POLR1F: variants seen among roughly 807,000 people sequenced by gnomAD.
The protein encoded by POLR1F is DNA-directed RNA polymerase I subunit RPA43.
Under a neutral mutation model 21.8 loss-of-function variants are expected in POLR1F, and 23 were observed. That is an observed-to-expected ratio of 1.05 (90% CI 0.76 to 1.49). The LOEUF (loss-of-function observed/expected upper bound fraction) is 1.49, where lower values mean the gene tolerates loss of function less well. Ranked by LOEUF, POLR1F falls within the 40% of genes most tolerant of loss-of-function variation. The pLI is 0.00. For missense variants in POLR1F, 435 were observed against 412.1 expected (o/e 1.06, Z -0.48); for synonymous variants, 162 against 152.8 (o/e 1.06, Z -0.45).
chr7:19,699,944 G>T, intron 3 of POLR1F, 128 bp downstream of exon 3: 1 of 716,084 alleles, frequency 1.4e-6, no homozygotes, highest in South Asian at 2.0e-5. Context: ...TTGAAAGCAT[G>T]AATATTCCTA....
At chr7:19,708,667 G>A in intron 1 of POLR1F, 96 bp downstream of exon 1, 1 of 1,514,668 alleles carries the variant, frequency 6.6e-7, no homozygotes, top group Non-Finnish European at 8.9e-7. Flanking sequence ...GGGGCAATGC[G>A]ACCTTTGCCA....
In POLR1F at chr7:19,708,938, G is replaced by T; in HGVS notation, c.79C>A (p.Pro27Thr). 6.2e-7 allele frequency: 1 copy of T among 1,613,326 alleles called. No homozygotes were observed. The highest frequency in any genetic ancestry group is 1.1e-5 in the South Asian group (1 of 91,078). The part of the protein sequence containing the change: ...GSLVGQAGVL[P>T]CLELPTYAAA... Reference sequence around the variant, plus strand: ...GCATAAGTCGGCAACTCTAGGCAAGGCAGGACGCCAGCCTGCCCTACCAGA... The same window carrying T: ...GCATAAGTCGGCAACTCTAGGCAAGTCAGGACGCCAGCCTGCCCTACCAGA... The change falls in exon 1 of 4, where the codon CCT becomes ACT. Residue 27 changes from proline to threonine, a missense_variant. By Grantham distance (38) the Pro-to-Thr change is conservative (BLOSUM62 -1). Coordinates refer to ENST00000222567, the MANE Select transcript of POLR1F (RefSeq NM_001002926.2).
At chr7:19,701,648 G>C (rs1006870575) in intron 2 of POLR1F, among the ~76,000 whole-genome samples, 1 of 152,146 alleles carries the variant, frequency 6.6e-6, no homozygotes, top group African/African-American at 2.4e-5. Flanking sequence ...AAATACTAGG[G>C]ACAATAGAGG....
At position 19,698,319 on chromosome 7, in the gene POLR1F, A is replaced by G; in HGVS notation, c.1014T>C (p.Leu338=). 6.4e-7 allele frequency: 1 copy of G among 1,553,988 alleles called. No individual in the cohort carries two copies. ...ACTGAATCGTGTTTAAAATACACTA[A>G]AGAAAATTACTTTTCCCTTTTCTTT... ...SPKRKGKSNF[L] is the part of the protein sequence containing the mutation. Residue 338 remains leucine, a synonymous_variant, in exon 4 of 4, where the codon CTT becomes CTC. Transcript: ENST00000222567.
At position 19,698,178 on chromosome 7, in the gene POLR1F, A is replaced by G; in HGVS notation, c.*138T>C. ...GTCAGTTTTATCATTTTTAGCATAT[A>G]AAGCCTCCTACTCCTAGTTAAGTAT... On this transcript the variant is annotated 3_prime_UTR_variant, in exon 4 of 4. Transcript: ENST00000222567. 1.5e-6 allele frequency: 1 copy of G among 680,416 alleles called. No homozygotes were observed. Among genetic ancestry groups the G allele is most frequent in the East Asian group, 3.3e-5 (1 of 30,398 alleles). 42.1% of individuals were successfully genotyped at this position (680,416 alleles called of 1,614,324 possible). A position where few individuals can be genotyped will look rare whatever the true frequency, so the allele number is the denominator to read the frequency against.
At chr7:19,702,910 T>C (rs922443216) in intron 2 of POLR1F, among the ~76,000 whole-genome samples, 1 of 152,194 alleles carries the variant, frequency 6.6e-6, no homozygotes, top group Non-Finnish European at 1.5e-5. Context: ...AAGTGTTGAA[T>C]GGGAAATCAG....
chr7:19,706,213 C>CA (rs1259949618), intron 1 of POLR1F, among the ~76,000 whole-genome samples: 7 of 152,254 alleles, frequency 4.6e-5, no homozygotes, highest in Middle Eastern at 3.4e-3. Context: ...AACCCTAACT[C>CA]AGAGACTTAC....
chr7:19,703,199 A>C (rs776472285), intron 2 of POLR1F, among the ~76,000 whole-genome samples: 2 of 152,172 alleles, frequency 1.3e-5, no homozygotes, highest in Non-Finnish European at 2.9e-5. Context: ...TGCTGATCAA[A>C]AGGCGGCAGA....
chr7:19,700,304 G>A (rs1402158112), intron 2 of POLR1F, 24 bp from the exon 3 acceptor site: 3 of 1,585,828 alleles, frequency 1.9e-6, no homozygotes, highest in Non-Finnish European at 2.6e-6. Flanking sequence ...GGAAGAAAGA[G>A]CGTAACATAA....
At chr7:19,707,976 C>CTAG (rs1438200551) in intron 1 of POLR1F, among the ~76,000 whole-genome samples, 1 of 152,054 alleles carries the variant, frequency 6.6e-6, no homozygotes, top group East Asian at 1.9e-4. Flanking sequence ...GAATCCATTC[C>CTAG]CTCTAGTTTT....
chr7:19,698,726 A>T lies in POLR1F; in HGVS notation c.607T>A (p.Leu203Ile), dbSNP rs763105859. ...GAAACTTCAGAGCGCTTGAATTGTAAACTATAAATTAACAGTTAAAAAAAT... is the reference window on the plus strand; with the variant it reads ...GAAACTTCAGAGCGCTTGAATTGTATACTATAAATTAACAGTTAAAAAAAT... ...CIRGKLNITS[L>I]QFKRSEVSEE... Residue 203 changes from leucine (L) to isoleucine (I), a missense_variant and splice_region_variant, in exon 4 of 4, where the codon TTA becomes ATA. Leu to Ile is a conservative substitution (Grantham distance 5, BLOSUM62 2). Transcript: ENST00000222567. 6 of 1,519,292 alleles carry T rather than the reference A, an allele frequency of 3.9e-6. No homozygotes were observed. The South Asian group carries it at 8.2e-5, about 21-fold the overall frequency. 94.1% of individuals were successfully genotyped at this position (1,519,292 alleles called of 1,614,324 possible). A position where few individuals can be genotyped will look rare whatever the true frequency, so the allele number is the denominator to read the frequency against.
At chr7:19,699,441 T>C (rs555584389) in intron 3 of POLR1F, among the ~76,000 whole-genome samples, 35 of 152,284 alleles carry the variant, frequency 2.3e-4, no homozygotes, top group Non-Finnish European at 5.9e-5. Flanking sequence ...GTACTATGTA[T>C]ATAAACTGTA....
Position 19,698,479 on chromosome 7 carries a change from T to C in POLR1F, c.854A>G (p.Gln285Arg). 6.2e-7 allele frequency: 1 copy of C among 1,612,204 alleles called. No individual in the cohort carries two copies. Among genetic ancestry groups the C allele is most frequent in the Non-Finnish European group, 8.5e-7 (1 of 1,179,554 alleles). ...PKKKKKKKKH[Q>R]EVQDQDPVFQ... The stretch of plus-strand genomic sequence containing the variant: ...AACAGGGTCCTGGTCCTGAACTTCC[T>C]GGTGCTTTTTCTTCTTCTTCTTTTT... Residue 285 changes from glutamine (Q) to arginine (R), a missense_variant, in exon 4 of 4, where the codon CAG becomes CGG. Physicochemically the swap from Gln to Arg is conservative, Grantham distance 43. Coordinates refer to ENST00000222567, the MANE Select transcript of POLR1F (RefSeq NM_001002926.2).
chr7:19,705,554 T>G (rs1279987525), intron 1 of POLR1F: 3 of 152,468 alleles, frequency 2.0e-5, no homozygotes, highest in African/African-American at 7.2e-5. Context: ...CGGTTAAAGC[T>G]GAAGCCCCTG....
Position 19,698,493 on chromosome 7 carries a change from CTTCTTCTTTTTCTTT to C in POLR1F, c.825_839del (p.Lys279_Lys283del), listed in dbSNP as rs1272145230. The C allele has an allele frequency of 6.2e-7, 1 of 1,610,772 alleles. No individual in the cohort carries two copies. The highest frequency in any genetic ancestry group is 1.3e-5 in the African/African-American group (1 of 74,438). ...CCTGAACTTCCTGGTGCTTTTTCTT[CTTCTTCTTTTTCTTT>C]GGCTCCTCCTCCCAGATGCCATTCG... On this transcript the variant is annotated inframe_deletion, in exon 4 of 4. Transcript: ENST00000222567.
rs932742856 is a variant in POLR1F, at chr7:19,697,827, T to A, written c.*489A>T. 1 of 152,448 alleles carries A rather than the reference T, an allele frequency of 6.6e-6. No homozygotes were observed. The highest frequency in any genetic ancestry group is 2.4e-5 in the African/African-American group (1 of 41,438). The allele number at this position is 152,448 out of a possible 1,614,324, so 9.4% of individuals were successfully genotyped here. A position where few individuals can be genotyped will look rare whatever the true frequency, so the allele number is the denominator to read the frequency against. On this transcript the variant is annotated 3_prime_UTR_variant, in exon 4 of 4. Transcript: ENST00000222567. ...TGGCAAACTATTTTATGTTAAACAA[T>A]AGAAATACTGTAGAAAGCCATGATA...
chr7:19,701,619 G>C (rs1783447504), intron 2 of POLR1F, among the ~76,000 whole-genome samples: 1 of 152,130 alleles, frequency 6.6e-6, no homozygotes, highest in African/African-American at 2.4e-5. Flanking sequence ...TCTTACCTTA[G>C]AGCATTAAGT....
chr7:19,697,239 G>T lies in POLR1F; in HGVS notation c.*1077C>A, dbSNP rs1440198741. 6.6e-6 allele frequency: 1 copy of T among 151,914 alleles called. No individual in the cohort carries two copies. The highest frequency in any genetic ancestry group is 1.5e-5 in the Non-Finnish European group (1 of 67,924). 9.4% of individuals were successfully genotyped at this position (151,914 alleles called of 1,614,324 possible). A position where few individuals can be genotyped will look rare whatever the true frequency, so the allele number is the denominator to read the frequency against. On this transcript the variant is annotated 3_prime_UTR_variant, in exon 4 of 4. Transcript: ENST00000222567. ...ACAATTATTAATTTTCTTATTTATT[G>T]TGTGTATATGCACATCTGTTTCTCT...
At chr7:19,704,376 T>C (rs1783488018) in intron 2 of POLR1F, among the ~76,000 whole-genome samples, 1 of 152,228 alleles carries the variant, frequency 6.6e-6, no homozygotes, top group African/African-American at 2.4e-5. Flanking sequence ...TGCCCTGTCC[T>C]CTGTCATTGA....
Sources: allele counts gnomAD v4.1 joint callset (sites outside exome capture counted in the v4.1 genomes callset), GRCh38; gene constraint gnomAD v4.1.1; transcripts MANE v1.5; gene names NCBI Gene and HGNC (gene_info 2026-07-23, HGNC 2026-07-21).